The following TAX1BP1 variants were observed in gnomAD, a reference collection of about 807,000 sequenced individuals.
TAX1BP1 encodes tax1-binding protein 1.
Under a neutral mutation model 97.7 loss-of-function variants are expected in TAX1BP1, and 62 were observed. The observed-to-expected ratio is 0.63, with a 90% CI of 0.52 to 0.78. TAX1BP1 has a LOEUF of 0.78. TAX1BP1 is among the 30% of genes least tolerant of loss of function. The pLI, the probability that TAX1BP1 is intolerant of heterozygous loss-of-function variation, is 0.00. For synonymous variants in TAX1BP1, 340 were observed against 304.2 expected (o/e 1.12, Z -1.23); for missense variants, 867 against 916.1 (o/e 0.95, Z 0.69).
chr7:27,816,260 T>A, intron 13 of TAX1BP1, 89 bp from the exon 14 acceptor site: 1 of 1,053,660 alleles, frequency 9.5e-7, no homozygotes, highest in Non-Finnish European at 1.3e-6. Context: ...ATAATTTTAT[T>A]GTTATATTTT....
intron 5 of TAX1BP1, among the ~76,000 whole-genome samples, chr7:27,782,339 C>G (rs1789292840): frequency 6.6e-6 from 1 of 152,050 alleles, no homozygotes; most frequent in Non-Finnish European, 1.5e-5. Flanking sequence ...TGTGTTCAAG[C>G]AATTCTCCTG....
intron 5 of TAX1BP1, among the ~76,000 whole-genome samples, chr7:27,776,984 GTTTGA>G (rs375215817): frequency 6.6e-6 from 1 of 152,006 alleles, no homozygotes; most frequent in African/African-American, 2.4e-5. Context: ...ATTCCTAGAA[GTTTGA>G]TTTGAGTCTT....
At chr7:27,794,577 C>G in intron 11 of TAX1BP1, 131 bp downstream of exon 11, 1 of 955,422 alleles carries the variant, frequency 1.0e-6, no homozygotes. Context: ...ATTGAGGCAA[C>G]AAGAAAATAA....
chr7:27,792,968 A>G (rs1236321663), intron 9 of TAX1BP1, 98 bp from the exon 10 acceptor site: 1 of 1,145,234 alleles, frequency 8.7e-7, no homozygotes, highest in Non-Finnish European at 1.2e-6. Flanking sequence ...TCTCAAAAAC[A>G]AAAAAAAGAA....
chr7:27,760,596 G>A (rs538192019), intron 3 of TAX1BP1, among the ~76,000 whole-genome samples: 21 of 151,960 alleles, frequency 1.4e-4, no homozygotes, highest in Admixed American at 1.3e-3. Context: ...GGGTTTCACC[G>A]TGTTAGCCAG....
intron 2 of TAX1BP1, among the ~76,000 whole-genome samples, chr7:27,749,915 C>T (rs963398499): frequency 6.6e-6 from 1 of 152,122 alleles, no homozygotes. Flanking sequence ...CCGCAGCCTT[C>T]CAAATAGCTG....
intron 2 of TAX1BP1, among the ~76,000 whole-genome samples, chr7:27,750,358 A>G (rs1221042360): frequency 6.6e-6 from 1 of 152,214 alleles, no homozygotes. Context: ...TATGTTTTGG[A>G]TTTGGGATGC....
chr7:27,816,302 A>C, intron 13 of TAX1BP1, 47 bp from the exon 14 acceptor site: 1 of 1,419,618 alleles, frequency 7.0e-7, no homozygotes, highest in African/African-American at 1.5e-5. Flanking sequence ...GTATTTATGA[A>C]ATATTTTATT....
chr7:27,805,465 G>A (rs1317311017), intron 13 of TAX1BP1, among the ~76,000 whole-genome samples: 1 of 152,068 alleles, frequency 6.6e-6, no homozygotes, highest in African/African-American at 2.4e-5. Flanking sequence ...CCATGTAAAT[G>A]TTCTTTATTT....
At chr7:27,749,246 A>C (rs1285485947) in intron 2 of TAX1BP1, among the ~76,000 whole-genome samples, 1 of 152,220 alleles carries the variant, frequency 6.6e-6, no homozygotes, top group Non-Finnish European at 1.5e-5. Context: ...CTTTCTTGAA[A>C]ATGAAGGTGA....
At chr7:27,759,420 T>C (rs1337641160) in intron 3 of TAX1BP1, among the ~76,000 whole-genome samples, 1 of 152,168 alleles carries the variant, frequency 6.6e-6, no homozygotes, top group Non-Finnish European at 1.5e-5. Flanking sequence ...CAAATACTGA[T>C]AGTAATCAAA....
chr7:27,747,399 A>T (rs193007727), intron 1 of TAX1BP1, among the ~76,000 whole-genome samples: 31 of 152,274 alleles, frequency 2.0e-4, no homozygotes, highest in Non-Finnish European at 1.0e-4. Context: ...GTGAGCGTTC[A>T]TGAATCTCTA....
At chr7:27,766,044 T>A in intron 4 of TAX1BP1, 23 bp downstream of exon 4, 8 of 1,597,374 alleles carry the variant, frequency 5.0e-6, no homozygotes, top group Non-Finnish European at 6.8e-6. Context: ...AGTGAGATAG[T>A]GATTCATTGA....
At chr7:27,802,898 A>G (rs566674696) in intron 13 of TAX1BP1, among the ~76,000 whole-genome samples, 4 of 152,356 alleles carry the variant, frequency 2.6e-5, no homozygotes, top group East Asian at 1.9e-4. Context: ...TATTCATGCA[A>G]TTTCACATAA....
chr7:27,759,836 A>G (rs1788355067), intron 3 of TAX1BP1, among the ~76,000 whole-genome samples: 1 of 151,844 alleles, frequency 6.6e-6, no homozygotes, highest in Non-Finnish European at 1.5e-5. Flanking sequence ...TTTTAATGCA[A>G]TTTTAAAATT....
At chr7:27,763,651 C>G (rs971095325) in intron 3 of TAX1BP1, among the ~76,000 whole-genome samples, 4 of 152,072 alleles carry the variant, frequency 2.6e-5, no homozygotes, top group Non-Finnish European at 5.9e-5. Flanking sequence ...GCCTGTAATT[C>G]CAGCTACTCG....
chr7:27,779,021 G>C (rs1789143201), intron 5 of TAX1BP1, among the ~76,000 whole-genome samples: 1 of 151,856 alleles, frequency 6.6e-6, no homozygotes, highest in African/African-American at 2.4e-5. Flanking sequence ...CCAGCCCTAG[G>C]TAACCTTGAG....
rs117614099 is a variant in TAX1BP1 at position 27,766,488 on chromosome 7, A to G, written c.453+467A>G. 5.0e-3 allele frequency among the ~76,000 whole-genome samples: 748 copies of G among 148,634 alleles called. 4 individuals carry two copies. The highest frequency in any genetic ancestry group is 7.8e-3 in the Non-Finnish European group (526 of 67,316). On this transcript the variant is annotated intron_variant, in intron 4 of 16. Transcript: ENST00000396319. ...AAATCGAATGCTTTTTAACTAAAAT[A>G]ATAAATTTAGAGTGTCTTTTTTTGA...
Position 27,765,999 on chromosome 7 carries a change from C to T in TAX1BP1, c.431C>T (p.Thr144Ile). The change falls in exon 4 of 17, where the codon ACC becomes ATC. Residue 144 changes from threonine to isoleucine, a missense_variant. Coordinates refer to ENST00000396319, the MANE Select transcript of TAX1BP1 (RefSeq NM_006024.7). Reference protein sequence around the residue: ...DEGNSDMLVVTTKAGLLELKI... With the variant: ...DEGNSDMLVVITKAGLLELKI... ...GGAAATTCTGACATGTTAGTGGTGACCACAAAAGCAGGCCTTCTTGAGGTT... is the reference window on the plus strand; with the variant it reads ...GGAAATTCTGACATGTTAGTGGTGATCACAAAAGCAGGCCTTCTTGAGGTT... 1 of 1,613,948 alleles carries T rather than the reference C, an allele frequency of 6.2e-7. No homozygotes were observed. Among genetic ancestry groups the T allele is most frequent in the Non-Finnish European group, 8.5e-7 (1 of 1,179,956 alleles).
Sources: allele counts gnomAD v4.1 joint callset (sites outside exome capture counted in the v4.1 genomes callset), GRCh38; gene constraint gnomAD v4.1.1; transcripts MANE v1.5; gene names NCBI Gene and HGNC (gene_info 2026-07-23, HGNC 2026-07-21).